ZNF423: variants seen among roughly 807,000 people sequenced by gnomAD.
The protein encoded by ZNF423 is Ebf-associated zinc finger protein.
Under a neutral mutation model 95.8 loss-of-function variants are expected in ZNF423, and 12 were observed. The observed-to-expected ratio is 0.13, with a 90% CI of 0.08 to 0.20. The LOEUF is 0.20. Among genes scored for constraint, ZNF423 ranks in the 10% least tolerant of loss-of-function variants. The pLI is 1.00. For synonymous variants in ZNF423, 749 were observed against 711.9 expected (o/e 1.05, Z -0.83); for missense variants, 1,316 against 1,737.1 (o/e 0.76, Z 4.31).
intron 7 of ZNF423, among the ~76,000 whole-genome samples, chr16:49,500,945 A>C (rs1967374777): frequency 6.6e-6 from 1 of 152,156 alleles, no homozygotes; most frequent in Non-Finnish European, 1.5e-5. Flanking sequence ...CAAAACCAAA[A>C]AAGGGTTCAC....
intron 3 of ZNF423, among the ~76,000 whole-genome samples, chr16:49,660,454 A>T (rs1448598360): frequency 6.6e-6 from 1 of 152,190 alleles, no homozygotes; most frequent in Non-Finnish European, 1.5e-5. Flanking sequence ...GGAGCCACTC[A>T]AGAGGCCCCT....
At chr16:49,537,677 G>T (rs1049891604) in intron 5 of ZNF423, among the ~76,000 whole-genome samples, 1 of 152,076 alleles carries the variant, frequency 6.6e-6, no homozygotes, top group African/African-American at 2.4e-5. Flanking sequence ...CTTTTCTGAG[G>T]TCACGTCTTC....
rs1224154397 is a variant in ZNF423 at position 49,637,999 on chromosome 16, C to A, written c.1177G>T (p.Asp393Tyr). Residue 393 changes from aspartate (D) to tyrosine (Y), a missense_variant, in exon 4 of 8, where the codon GAC (aspartate) becomes TAC (tyrosine). Around this residue, in one of 6 missense-constraint regions of ZNF423, gnomAD observed 399 missense variants for 478.5 expected, o/e 0.83. Coordinates refer to ENST00000563137, the MANE Select transcript of ZNF423 (RefSeq NM_001379286.1). This position sits in a 1 kb window ranked among gnomAD's most constrained non-coding sequence, Gnocchi z 5.6. ...CCCCGCAGCGGCTTCAAGGTGGAGT[C>A]CGGGGTGGAGCCACGCTCCACAGAG... is the stretch of plus-strand genomic sequence containing the variant. ...SASVERGSTP[D>Y]STLKPLRGQK... is the part of the protein sequence containing the mutation. The A allele has an allele frequency of 6.2e-7, 1 of 1,613,978 alleles. No homozygotes were observed.
At chr16:49,585,409 C>A (rs1970798888) in intron 5 of ZNF423, among the ~76,000 whole-genome samples, 1 of 152,176 alleles carries the variant, frequency 6.6e-6, no homozygotes, top group African/African-American at 2.4e-5. Flanking sequence ...ACCCCCCACC[C>A]CCACACCCAT....
At chr16:49,626,283 A>G in intron 4 of ZNF423, 29 bp from the exon 5 acceptor site, 2 of 1,609,860 alleles carry the variant, frequency 1.2e-6, no homozygotes, top group South Asian at 2.2e-5. Flanking sequence ...TAAAAGATTT[A>G]GAGAGGCAGG....
chr16:49,831,694 G>A (rs1353100133), intron 1 of ZNF423, among the ~76,000 whole-genome samples: 1 of 152,074 alleles, frequency 6.6e-6, no homozygotes, highest in East Asian at 1.9e-4. Flanking sequence ...GCACAGTGAA[G>A]AAATTATTGA....
chr16:49,779,272 C>T (rs536768960), intron 2 of ZNF423, among the ~76,000 whole-genome samples: 4 of 151,800 alleles, frequency 2.6e-5, no homozygotes, highest in South Asian at 2.1e-4. Flanking sequence ...CAGAGGGCAG[C>T]GGGAGCACTG....
chr16:49,825,097 C>T (rs1190925892), intron 1 of ZNF423, among the ~76,000 whole-genome samples: 1 of 152,182 alleles, frequency 6.6e-6, no homozygotes, highest in Non-Finnish European at 1.5e-5. Flanking sequence ...TTATGCATTA[C>T]TCCAGGATTT....
chr16:49,797,702 C>A (rs1184818910), intron 1 of ZNF423, among the ~76,000 whole-genome samples: 2 of 152,224 alleles, frequency 1.3e-5, no homozygotes, highest in African/African-American at 4.8e-5. Context: ...TCACAATCAC[C>A]TTTGTTTAAC....
intron 3 of ZNF423, among the ~76,000 whole-genome samples, chr16:49,642,889 C>T (rs924738939): frequency 2.8e-5 from 4 of 144,134 alleles, no homozygotes; most frequent in African/African-American, 1.0e-4. Context: ...GGTGTGATCT[C>T]GGCTCACTGC....
chr16:49,556,142 A>G (rs1456079233), intron 5 of ZNF423, among the ~76,000 whole-genome samples: 1 of 152,214 alleles, frequency 6.6e-6, no homozygotes, highest in African/African-American at 2.4e-5. Flanking sequence ...GGAGCTTTCC[A>G]ACTGTGGACA....
chr16:49,664,771 C>T (rs774585479), intron 3 of ZNF423, among the ~76,000 whole-genome samples: 18 of 152,350 alleles, frequency 1.2e-4, no homozygotes, highest in Non-Finnish European at 2.2e-4. Context: ...CAGGGAAAAC[C>T]CCGCTGCTCA....
intron 7 of ZNF423, among the ~76,000 whole-genome samples, chr16:49,513,487 C>T (rs1025523430): frequency 1.3e-5 from 2 of 152,206 alleles, no homozygotes; most frequent in Admixed American, 1.3e-4. Flanking sequence ...GAAACTGGCT[C>T]TTTGGTTACC....
chr16:49,595,668 A>C (rs1395325394), intron 5 of ZNF423, among the ~76,000 whole-genome samples: 2 of 152,240 alleles, frequency 1.3e-5, no homozygotes, highest in Non-Finnish European at 2.9e-5. Context: ...CTAATCTTGA[A>C]ACATCCACCA....
intron 1 of ZNF423, among the ~76,000 whole-genome samples, chr16:49,850,714 C>T (rs2035293694): frequency 6.6e-6 from 1 of 152,250 alleles, no homozygotes; most frequent in Admixed American, 6.5e-5. Context: ...CCATCCTCTG[C>T]CTGCTTACTT....
intron 5 of ZNF423, among the ~76,000 whole-genome samples, chr16:49,529,953 C>T (rs1968779024): frequency 6.6e-6 from 1 of 152,096 alleles, no homozygotes; most frequent in Admixed American, 6.5e-5. Flanking sequence ...ATGCACACAC[C>T]TGTCTAGGAG....
chr16:49,633,459 C>G (rs1270049111), intron 4 of ZNF423, among the ~76,000 whole-genome samples: 5 of 152,180 alleles, frequency 3.3e-5, no homozygotes, highest in African/African-American at 7.2e-5. Context: ...AGAGGCCCCC[C>G]AGTTTCTCCC....
rs903014313 is a variant in ZNF423, at chr16:49,664,178, G to A, written c.302-25304C>T. 10 of 985,412 alleles carry A rather than the reference G, an allele frequency of 1.0e-5. No individual in the cohort carries two copies. The East Asian group carries it at 8.0e-4, about 78-fold the overall frequency. The allele number at this position is 985,412 out of a possible 1,614,324, so 61.0% of individuals were successfully genotyped here. A position where few individuals can be genotyped will look rare whatever the true frequency, so the allele number is the denominator to read the frequency against. The stretch of plus-strand genomic sequence containing the variant: ...TGAGCCCGGGTTCCCAGCACCCGGC[G>A]GCAGGGCAGGCGAGGGCTGGAGAGG... On this transcript the variant is annotated intron_variant, in intron 3 of 7. Transcript: ENST00000563137.
chr16:49,558,843 T>G (rs571806005), intron 5 of ZNF423, among the ~76,000 whole-genome samples: 1 of 152,230 alleles, frequency 6.6e-6, no homozygotes, highest in Non-Finnish European at 1.5e-5. Context: ...CTTTCCTGAA[T>G]AGTCTTGGCA....
Sources: gnomAD v4.1 joint callset for allele counts (sites outside exome capture counted in the v4.1 genomes callset) on GRCh38, gnomAD v4.1.1 for gene constraint, gnomAD v4.1.1 regional missense constraint, Gnocchi (gnomAD v3.1) non-coding constraint, MANE v1.5 for transcripts, NCBI Gene and HGNC (gene_info 2026-07-23, HGNC 2026-07-21) for gene names.